CLYBL: variants seen among roughly 807,000 people sequenced by gnomAD.
CLYBL encodes the protein citramalyl-CoA lyase, mitochondrial.
In CLYBL, 31 loss-of-function variants were observed where a neutral mutation model predicts 38.9. The observed-to-expected ratio is 0.80, with a 90% CI of 0.60 to 1.08. The LOEUF is 1.08. Ranked by LOEUF, CLYBL falls within the 50% of genes least tolerant of loss-of-function variation. CLYBL has a pLI of 0.00. For missense variants in CLYBL, 434 were observed against 411.6 expected, an observed-to-expected ratio of 1.05 and a Z score of -0.47; for synonymous variants, 171 against 158.6, an observed-to-expected ratio of 1.08 and a Z score of -0.59.
At chr13:99,653,596 T>G (rs1225934133) in intron 1 of CLYBL, among the ~76,000 whole-genome samples, 1 of 152,222 alleles carries the variant, frequency 6.6e-6, no homozygotes, top group Non-Finnish European at 1.5e-5. Flanking sequence ...GTTTGGAAAT[T>G]CAGACACACC....
At chr13:99,634,829 C>T (rs1297276943) in intron 1 of CLYBL, among the ~76,000 whole-genome samples, 1 of 152,172 alleles carries the variant, frequency 6.6e-6, no homozygotes, top group African/African-American at 2.4e-5. Context: ...ACTCTGTTAG[C>T]AGGACACTGT....
intron 2 of CLYBL, among the ~76,000 whole-genome samples, chr13:99,840,705 G>A (rs763943339): frequency 1.5e-4 from 18 of 119,792 alleles, no homozygotes; most frequent in Admixed American, 4.6e-4. Flanking sequence ...AGCTGTGATC[G>A]TACCACTGCA....
chr13:99,729,499 G>T (rs773717306), intron 1 of CLYBL, among the ~76,000 whole-genome samples: 7 of 152,040 alleles, frequency 4.6e-5, no homozygotes, highest in Non-Finnish European at 7.4e-5. Flanking sequence ...GATCTGCTTC[G>T]GGCTAAATAT....
chr13:99,748,757 GAATTTGATGACTGTAGGCACCT>G (rs1246196727), intron 1 of CLYBL, among the ~76,000 whole-genome samples: 1 of 151,964 alleles, frequency 6.6e-6, no homozygotes, highest in Non-Finnish European at 1.5e-5. Flanking sequence ...CTATCTGTAT[GAATTTGATGACTGTAGGCACCT>G]CATGGAAGTG....
downstream of CLYBL, chr13:99,894,155 TG>T: frequency 6.6e-6 from 1 of 152,298 alleles, no homozygotes; most frequent in Non-Finnish European, 1.5e-5. Context: ...AGGAAGAAGA[TG>T]CTGGAAGGCA....
At chr13:99,661,840 G>C (rs1197673832) in intron 1 of CLYBL, among the ~76,000 whole-genome samples, 1 of 152,182 alleles carries the variant, frequency 6.6e-6, no homozygotes, top group African/African-American at 2.4e-5. Flanking sequence ...TATTAACGAT[G>C]TTAAAATAGA....
At chr13:99,671,265 TCA>T (rs1301568870) in intron 1 of CLYBL, among the ~76,000 whole-genome samples, 1 of 152,246 alleles carries the variant, frequency 6.6e-6, no homozygotes, top group Admixed American at 6.5e-5. Flanking sequence ...ATGGCATTTA[TCA>T]CAGTCTGTCA....
intron 1 of CLYBL, among the ~76,000 whole-genome samples, chr13:99,627,443 A>G (rs1030576188): frequency 6.6e-6 from 1 of 152,200 alleles, no homozygotes; most frequent in African/African-American, 2.4e-5. Context: ...TTTAGTTTTC[A>G]CCACTTCTAA....
chr13:99,610,113 G>A (rs2046603642), intron 1 of CLYBL, among the ~76,000 whole-genome samples: 1 of 152,196 alleles, frequency 6.6e-6, no homozygotes, highest in Admixed American at 6.5e-5. Flanking sequence ...GTGTTGCCAA[G>A]GGTGGTCTTG....
intron 7 of CLYBL, among the ~76,000 whole-genome samples, chr13:99,881,665 G>A (rs959353995): frequency 2.6e-5 from 4 of 151,340 alleles, no homozygotes; most frequent in African/African-American, 4.9e-5. Context: ...GGGCTTAGGC[G>A]ATCCTCCCGT....
At chr13:99,744,163 G>C (rs1030348745) in intron 1 of CLYBL, among the ~76,000 whole-genome samples, 2 of 151,902 alleles carry the variant, frequency 1.3e-5, no homozygotes, top group Non-Finnish European at 2.9e-5. Context: ...TAGTAGAGAC[G>C]GGGTTTCACC....
chr13:99,858,816 C>A (rs750501987), intron 2 of CLYBL, 45 bp from the exon 3 acceptor site: 2 of 1,411,290 alleles, frequency 1.4e-6, no homozygotes, highest in Admixed American at 4.0e-5. Flanking sequence ...TGGTGCTCCC[C>A]TCAATGATAA....
chr13:99,676,909 A>G (rs2047661760), intron 1 of CLYBL, among the ~76,000 whole-genome samples: 1 of 151,630 alleles, frequency 6.6e-6, no homozygotes, highest in South Asian at 2.1e-4. Flanking sequence ...TCGGCCCATC[A>G]TTCTTAATAA....
chr13:99,865,154 A>G lies in CLYBL; in HGVS notation c.634+243A>G. On this transcript the variant is annotated intron_variant, in intron 5 of 8. Coordinates refer to ENST00000339105, the MANE Select transcript of CLYBL (RefSeq NM_206808.5). The surrounding 1 kb of genome is among the most constrained non-coding windows in gnomAD (Gnocchi z 4.7). ...TTCATTTATAAAAGACACGAGCAAT[A>G]GAAAGCCTGTTGCAGCCCCAGGCAT... 1 of 497,266 alleles carries G rather than the reference A, an allele frequency of 2.0e-6. No homozygotes were observed. Among genetic ancestry groups the G allele is most frequent in the Non-Finnish European group, 3.8e-6 (1 of 264,250 alleles). 30.8% of individuals were successfully genotyped at this position (497,266 alleles called of 1,614,324 possible). A position where few individuals can be genotyped will look rare whatever the true frequency, so the allele number is the denominator to read the frequency against.
intron 1 of CLYBL, among the ~76,000 whole-genome samples, chr13:99,619,481 T>C (rs2046762800): frequency 6.6e-6 from 1 of 152,268 alleles, no homozygotes; most frequent in South Asian, 2.1e-4. Context: ...AGGTGGTTTC[T>C]ACTTTTAGGA....
chr13:99,787,352 A>T (rs1321708329), intron 2 of CLYBL, among the ~76,000 whole-genome samples: 2 of 152,148 alleles, frequency 1.3e-5, no homozygotes, highest in African/African-American at 2.4e-5. Flanking sequence ...TTAAGTCTTT[A>T]ATCCATCTTG....
intron 2 of CLYBL, among the ~76,000 whole-genome samples, chr13:99,844,862 A>G (rs368341187): frequency 1.3e-4 from 20 of 152,338 alleles, no homozygotes; most frequent in Middle Eastern, 3.4e-3. Context: ...GGCTTCATGC[A>G]TGGTTCAAGC....
chr13:99,666,973 A>G (rs976471616), intron 1 of CLYBL, among the ~76,000 whole-genome samples: 1 of 152,162 alleles, frequency 6.6e-6, no homozygotes, highest in Non-Finnish European at 1.5e-5. Flanking sequence ...CCCTGCATAG[A>G]AGACGGGTCC....
intron 7 of CLYBL, among the ~76,000 whole-genome samples, chr13:99,874,325 A>G (rs2051983850): frequency 6.6e-6 from 1 of 152,224 alleles, no homozygotes; most frequent in Admixed American, 6.5e-5. Context: ...CGTGCATACC[A>G]TTAATTATTT....
Sources: allele counts gnomAD v4.1 joint callset (sites outside exome capture counted in the v4.1 genomes callset), GRCh38; gene constraint gnomAD v4.1.1; non-coding constraint Gnocchi (gnomAD v3.1); transcripts MANE v1.5; gene names NCBI Gene and HGNC (gene_info 2026-07-23, HGNC 2026-07-21).